SLC9A3: variants seen among roughly 807,000 people sequenced by gnomAD.
SLC9A3 encodes sodium/hydrogen exchanger 3.
SLC9A3 carries 37 observed loss-of-function variants against 86.8 expected under a neutral mutation model. The ratio of observed to expected loss-of-function variants is 0.43; its 90% CI spans 0.33 to 0.56. The LOEUF (loss-of-function observed/expected upper bound fraction) is 0.56, where lower values mean the gene tolerates loss of function less well. Among genes scored for constraint, SLC9A3 ranks in the 20% least tolerant of loss-of-function variants. The probability of loss-of-function intolerance (pLI) is 0.06; values close to 1 mark genes in which losing one functional copy is unlikely to be tolerated. For synonymous variants in SLC9A3, 581 were observed against 528.3 expected (o/e 1.10, Z -1.37); for missense variants, 1,011 against 1,171.9 (o/e 0.86, Z 2.00).
chr5:480,569 T>C (rs1739100790), intron 9 of SLC9A3: 1 of 152,920 alleles, frequency 6.5e-6, no homozygotes, highest in Non-Finnish European at 1.5e-5. Context: ...CAATGGCAGC[T>C]CTCCTGTACA....
chr5:470,635 A>C lies in SLC9A3; in HGVS notation c.*2744T>G, dbSNP rs1311994054. The C allele has an allele frequency of 1.3e-5, 2 of 152,376 alleles. No individual in the cohort carries two copies. Among genetic ancestry groups the C allele is most frequent in the Non-Finnish European group, 2.9e-5 (2 of 68,038 alleles). 9.4% of individuals were successfully genotyped at this position (152,376 alleles called of 1,614,324 possible). ...ACTTAAGGCACGTCATTTTGTGATT[A>C]GAATTACACGAAATTTGATTAATAT... On this transcript the variant is annotated 3_prime_UTR_variant, in exon 17 of 17. Coordinates refer to ENST00000264938, the MANE Select transcript of SLC9A3 (RefSeq NM_004174.4).
In SLC9A3 at chr5:483,608, C is replaced by T. The variant is rs548328443; in HGVS notation, c.933-126G>A. The T allele has an allele frequency of 1.6e-4, 116 of 712,082 alleles. No individual in the cohort carries two copies. The African/African-American group carries it at 1.9e-3, about 12-fold the overall frequency. 44.1% of individuals were successfully genotyped at this position (712,082 alleles called of 1,614,324 possible). On this transcript the variant is annotated intron_variant, in intron 5 of 16. Coordinates refer to ENST00000264938, the MANE Select transcript of SLC9A3 (RefSeq NM_004174.4). ...GTCACAGTTGTGTGGTTACGGGGGCCTCTTCCTCCCGAGCCAGGCTGGGCC... is the reference window on the plus strand; with the variant it reads ...GTCACAGTTGTGTGGTTACGGGGGCTTCTTCCTCCCGAGCCAGGCTGGGCC...
At chr5:494,040 C>G (rs907284235) in intron 1 of SLC9A3, among the ~76,000 whole-genome samples, 3 of 152,212 alleles carry the variant, frequency 2.0e-5, no homozygotes, top group Non-Finnish European at 4.4e-5. Flanking sequence ...CTCGGGGCCC[C>G]GCTCAGAGCT....
chr5:513,817 C>A (rs1007637099), intron 1 of SLC9A3, among the ~76,000 whole-genome samples: 1 of 152,240 alleles, frequency 6.6e-6, no homozygotes, highest in Non-Finnish European at 1.5e-5. Context: ...TAACTTCCCA[C>A]GGCCAGCCCT....
intron 1 of SLC9A3, 23 bp from the exon 2 acceptor site, chr5:492,094 C>T: frequency 1.5e-6 from 2 of 1,331,496 alleles, no homozygotes; most frequent in Non-Finnish European, 1.9e-6. Context: ...GGAGGGAGGT[C>T]AGGGCCGGGC....
Position 497,772 on chromosome 5 carries a change from C to T in SLC9A3, c.212-5701G>A, listed in dbSNP as rs369359458. On this transcript the variant is annotated intron_variant, in intron 1 of 16. Coordinates refer to ENST00000264938, the MANE Select transcript of SLC9A3 (RefSeq NM_004174.4). This position sits in a 1 kb window ranked among gnomAD's most constrained non-coding sequence, Gnocchi z 5.4. ...CTGCCCCTGTCCCGGGTGGGGTCGC[C>T]CGGCCGCATCCCCAGCCTCTGCCCC... is the stretch of plus-strand genomic sequence containing the variant. 9.1e-4 allele frequency among the ~76,000 whole-genome samples: 77 copies of T among 84,368 alleles called. 6 individuals are homozygous for T. In the East Asian group the frequency reaches 0.021, roughly 23 times the overall value. The allele number at this position is 84,368 out of a possible 152,430, so 55.3% of individuals were successfully genotyped here. A position where few individuals can be genotyped will look rare whatever the true frequency, so the allele number is the denominator to read the frequency against.
intron 1 of SLC9A3, among the ~76,000 whole-genome samples, chr5:508,074 C>A (rs180806446): frequency 1.1e-4 from 17 of 152,388 alleles, no homozygotes; most frequent in Non-Finnish European, 1.5e-4. Context: ...TCTTGGCGCC[C>A]GCCCCTCACA....
At chr5:476,721 C>G in intron 11 of SLC9A3, 49 bp from the exon 12 acceptor site, 1 of 1,588,214 alleles carries the variant, frequency 6.3e-7, no homozygotes, top group Non-Finnish European at 8.5e-7. Context: ...AGGGTGGGGT[C>G]TCTTGCGCGC....
In SLC9A3 at chr5:472,003, C is replaced by G; in HGVS notation, c.*1376G>C. ...TAGTTTAATTTTCCTGAGCAAGGAGCTGCGAGTCTAGCTTTAGAAAAGCCC... is the reference window on the plus strand; with the variant it reads ...TAGTTTAATTTTCCTGAGCAAGGAGGTGCGAGTCTAGCTTTAGAAAAGCCC... On this transcript the variant is annotated 3_prime_UTR_variant, in exon 17 of 17. Coordinates refer to ENST00000264938, the MANE Select transcript of SLC9A3 (RefSeq NM_004174.4). The G allele has an allele frequency of 2.2e-6, 1 of 456,658 alleles. No homozygotes were observed. Among genetic ancestry groups the G allele is most frequent in the Non-Finnish European group, 4.4e-6 (1 of 226,954 alleles). 28.3% of individuals were successfully genotyped at this position (456,658 alleles called of 1,614,324 possible). A position where few individuals can be genotyped will look rare whatever the true frequency, so the allele number is the denominator to read the frequency against.
intron 1 of SLC9A3, among the ~76,000 whole-genome samples, chr5:494,983 A>G (rs1739954773): frequency 6.6e-6 from 1 of 151,778 alleles, no homozygotes; most frequent in African/African-American, 2.4e-5. Flanking sequence ...TATTTGTCCA[A>G]TAGCGCTTGT....
At chr5:488,975 C>G (rs936910282) in intron 2 of SLC9A3, among the ~76,000 whole-genome samples, 5 of 152,020 alleles carry the variant, frequency 3.3e-5, no homozygotes, top group Non-Finnish European at 7.4e-5. Flanking sequence ...CAAGGGGGCC[C>G]GGAAGACGTG....
chr5:498,296 C>T (rs181184953), intron 1 of SLC9A3, among the ~76,000 whole-genome samples: 48 of 152,264 alleles, frequency 3.2e-4, no homozygotes, highest in African/African-American at 5.5e-4. Context: ...CGGCCATTTC[C>T]GTGGTGTGAG....
chr5:512,903 T>C (rs1733600252), intron 1 of SLC9A3, among the ~76,000 whole-genome samples: 1 of 152,284 alleles, frequency 6.6e-6, no homozygotes, highest in South Asian at 2.1e-4. Flanking sequence ...CTATCAATTC[T>C]GACTCCACGG....
intron 1 of SLC9A3, among the ~76,000 whole-genome samples, chr5:507,294 A>T (rs1418737064): frequency 1.4e-5 from 2 of 143,480 alleles, no homozygotes; most frequent in African/African-American, 2.6e-5. Context: ...CAGCCTCCCG[A>T]GTAGCTGGGA....
chr5:519,637 C>A (rs1370093102), intron 1 of SLC9A3, among the ~76,000 whole-genome samples: 2 of 152,160 alleles, frequency 1.3e-5, no homozygotes, highest in Admixed American at 1.3e-4. Context: ...GTGAGGACGA[C>A]CTCCTGCACC....
chr5:476,171 C>T (rs1438485229), intron 13 of SLC9A3, 31 bp downstream of exon 13: 8 of 1,613,152 alleles, frequency 5.0e-6, no homozygotes, highest in Non-Finnish European at 6.8e-6. Flanking sequence ...AGGCCCCAGC[C>T]CCGCCAAGCC....
At chr5:476,146 G>A in intron 13 of SLC9A3, 54 bp from the exon 14 acceptor site, 1 of 1,612,000 alleles carries the variant, frequency 6.2e-7, no homozygotes, top group Non-Finnish European at 8.5e-7. Context: ...ACCCAGCCCT[G>A]ACTGCCCCCG....
chr5:479,567 A>C, intron 10 of SLC9A3: 2 of 430,436 alleles, frequency 4.6e-6, no homozygotes, highest in Non-Finnish European at 8.6e-6. Flanking sequence ...TCCCTGGGGA[A>C]AGCAAGGGAG....
intron 2 of SLC9A3, 119 bp from the exon 3 acceptor site, chr5:488,595 G>A (rs541956928): frequency 7.7e-6 from 8 of 1,039,472 alleles, no homozygotes; most frequent in East Asian, 5.6e-5. Context: ...CGCCGGTGGC[G>A]TGGGGAGCTG....
Sources: allele counts gnomAD v4.1 joint callset (sites outside exome capture counted in the v4.1 genomes callset), GRCh38; gene constraint gnomAD v4.1.1; non-coding constraint Gnocchi (gnomAD v3.1); transcripts MANE v1.5; gene names NCBI Gene and HGNC (gene_info 2026-07-23, HGNC 2026-07-21).